TTC28: variants seen among roughly 807,000 people sequenced by gnomAD.
TTC28 encodes the protein tetratricopeptide repeat domain 28, also known as tetratricopeptide repeat protein 28.
Under a neutral mutation model 198.0 loss-of-function variants are expected in TTC28, and 61 were observed. The observed-to-expected ratio is 0.31, with a 90% CI of 0.25 to 0.38. The LOEUF (loss-of-function observed/expected upper bound fraction) is 0.38. TTC28 is among the 10% of genes least tolerant of loss of function. The pLI is 1.00. For synonymous variants in TTC28, 1,171 were observed against 1,297.8 expected, an observed-to-expected ratio of 0.90 and a Z score of 2.10; for missense variants, 2,678 against 3,164.0, an observed-to-expected ratio of 0.85 and a Z score of 3.69.
chr22:28,515,342 A>G (rs1429138117), intron 2 of TTC28, among the ~76,000 whole-genome samples: 1 of 152,200 alleles, frequency 6.6e-6, no homozygotes. Flanking sequence ...GGCTCTCCTC[A>G]ATTATTTTTT....
intron 2 of TTC28, among the ~76,000 whole-genome samples, chr22:28,355,031 T>A (rs1331340976): frequency 7.4e-6 from 1 of 135,836 alleles, no homozygotes; most frequent in Non-Finnish European, 1.5e-5. Flanking sequence ...AAACACAGGA[T>A]CTCTAAATAA....
chr22:28,294,489 C>T (rs1340016716), intron 5 of TTC28, among the ~76,000 whole-genome samples: 1 of 151,810 alleles, frequency 6.6e-6, no homozygotes, highest in African/African-American at 2.4e-5. Flanking sequence ...AAAAGTCTTT[C>T]TACCCTTTGT....
intron 6 of TTC28, among the ~76,000 whole-genome samples, chr22:28,154,473 T>TCAC (rs1943703501): frequency 6.6e-6 from 1 of 151,752 alleles, no homozygotes; most frequent in Non-Finnish European, 1.5e-5. Context: ...TGCCTCAGCC[T>TCAC]CTGAGTAGCT....
chr22:28,620,660 A>C (rs1218491306), intron 2 of TTC28, among the ~76,000 whole-genome samples: 1 of 152,254 alleles, frequency 6.6e-6, no homozygotes, highest in Non-Finnish European at 1.5e-5. Flanking sequence ...TGGTCCAGTC[A>C]AAGCAAAAGC....
At chr22:28,076,993 T>C (rs192923202) in intron 12 of TTC28, among the ~76,000 whole-genome samples, 80 of 152,364 alleles carry the variant, frequency 5.3e-4, no homozygotes, top group Non-Finnish European at 9.8e-4. Flanking sequence ...TCTTTAACTA[T>C]TAAAAAGATG....
intron 5 of TTC28, among the ~76,000 whole-genome samples, chr22:28,166,774 A>C (rs1328700985): frequency 6.6e-6 from 1 of 152,230 alleles, no homozygotes; most frequent in Non-Finnish European, 1.5e-5. Flanking sequence ...TAGAGAAGCA[A>C]GAGCAAACAC....
rs188179125 is a variant in TTC28 at position 28,415,790 on chromosome 22, C to T, written c.382-109147G>A. Among the ~76,000 whole-genome samples the T allele has an allele frequency of 2.2e-4, 34 of 152,320 alleles. 1 individual carries two copies. The East Asian group carries it at 6.2e-3, about 28-fold the overall frequency. On this transcript the variant is annotated intron_variant, in intron 2 of 22. Coordinates refer to ENST00000397906, the MANE Select transcript of TTC28 (RefSeq NM_001145418.2). ...CACACCACTGTATAAAAAGCTTATG[C>T]TACTACAGTTGTACATCTTCCTTCA...
chr22:28,009,342 T>C (rs937744522), intron 14 of TTC28, among the ~76,000 whole-genome samples: 1 of 152,260 alleles, frequency 6.6e-6, no homozygotes, highest in Non-Finnish European at 1.5e-5. Flanking sequence ...TTCAAATAAT[T>C]ATATGCCCCA....
intron 2 of TTC28, among the ~76,000 whole-genome samples, chr22:28,347,053 A>C (rs938704432): frequency 3.9e-5 from 6 of 152,110 alleles, no homozygotes; most frequent in African/African-American, 1.2e-4. Flanking sequence ...ACTTGAGGTC[A>C]GGAGTTCCAG....
chr22:28,192,952 T>C (rs886834886), intron 5 of TTC28, among the ~76,000 whole-genome samples: 1 of 152,148 alleles, frequency 6.6e-6, no homozygotes, highest in Non-Finnish European at 1.5e-5. Flanking sequence ...GCCACAAAGA[T>C]ACGCCTTGAC....
intron 5 of TTC28, among the ~76,000 whole-genome samples, chr22:28,185,989 C>T (rs1924157138): frequency 6.6e-6 from 1 of 152,154 alleles, no homozygotes; most frequent in Admixed American, 6.5e-5. Context: ...AAGGCAAGGA[C>T]ATCTTCTCTA....
intron 2 of TTC28, among the ~76,000 whole-genome samples, chr22:28,323,246 T>C (rs1012866116): frequency 3.1e-4 from 47 of 152,108 alleles, no homozygotes; most frequent in African/African-American, 1.1e-3. Flanking sequence ...TCCAGGAAAG[T>C]ATGACCTCAC....
chr22:28,159,370 T>C (rs967861517), intron 6 of TTC28, among the ~76,000 whole-genome samples: 1 of 152,010 alleles, frequency 6.6e-6, no homozygotes, highest in Admixed American at 6.6e-5. Context: ...AAAATAGAGC[T>C]ACCGGCCGGG....
At chr22:28,466,156 C>T (rs1275733049) in intron 2 of TTC28, among the ~76,000 whole-genome samples, 1 of 152,192 alleles carries the variant, frequency 6.6e-6, no homozygotes. Flanking sequence ...GTGATTATCA[C>T]ATTTTATTGT....
At chr22:28,080,522 A>G (rs768534325) in intron 12 of TTC28, among the ~76,000 whole-genome samples, 2 of 148,574 alleles carry the variant, frequency 1.3e-5, no homozygotes, top group South Asian at 4.3e-4. Flanking sequence ...GCCCATTTTT[A>G]AATTGGATTT....
Position 28,314,242 on chromosome 22 carries a change from G to T in TTC28, c.382-7599C>A, listed in dbSNP as rs557784559. On this transcript the variant is annotated intron_variant, in intron 2 of 22. Coordinates refer to ENST00000397906, the MANE Select transcript of TTC28 (RefSeq NM_001145418.2). ...ACAAACAAATGGAAAAACATTCCATGCTCATGGATAGGAAGAATCAATATT... is the reference window on the plus strand; with the variant it reads ...ACAAACAAATGGAAAAACATTCCATTCTCATGGATAGGAAGAATCAATATT... Among the ~76,000 whole-genome samples, 64 of 152,282 alleles carry T rather than the reference G, an allele frequency of 4.2e-4. No individual in the cohort carries two copies. The South Asian group carries it at 0.013, about 31-fold the overall frequency.
intron 13 of TTC28, among the ~76,000 whole-genome samples, chr22:28,028,111 C>T (rs551882167): frequency 3.3e-5 from 5 of 152,328 alleles, no homozygotes; most frequent in Admixed American, 3.3e-4. Context: ...GAGAAGAACG[C>T]CGGCTATTTC....
At position 28,033,910 on chromosome 22, in the gene TTC28, T is replaced by C. The variant is rs534833365; in HGVS notation, c.3933-3544A>G. 2.6e-5 allele frequency among the ~76,000 whole-genome samples: 4 copies of C among 152,302 alleles called. No individual in the cohort carries two copies. The East Asian group carries it at 5.8e-4, about 22-fold the overall frequency. On this transcript the variant is annotated intron_variant, in intron 12 of 22. Transcript: ENST00000397906. The stretch of plus-strand genomic sequence containing the variant: ...TTCCGCCCTAAGAAGCTGCTAGATA[T>C]GCACACTAATCTCTGCAACATGAAA...
chr22:28,019,593 G>T (rs1026398676), intron 13 of TTC28, among the ~76,000 whole-genome samples: 1 of 152,202 alleles, frequency 6.6e-6, no homozygotes, highest in Non-Finnish European at 1.5e-5. Context: ...GAGTGTGAGG[G>T]ATGACCTGCT....
Sources: allele counts gnomAD v4.1 joint callset (sites outside exome capture counted in the v4.1 genomes callset), GRCh38; gene constraint gnomAD v4.1.1; transcripts MANE v1.5; gene names NCBI Gene and HGNC (gene_info 2026-07-23, HGNC 2026-07-21).